SKAP1: variants seen among roughly 807,000 people sequenced by gnomAD.
SKAP1 encodes src kinase associated phosphoprotein 1.
SKAP1 carries 44 observed loss-of-function variants against 58.5 expected under a neutral mutation model. That is an observed-to-expected ratio of 0.75 (90% CI 0.59 to 0.97). SKAP1 has a LOEUF of 0.97. Ranked by LOEUF, SKAP1 falls within the 50% of genes least tolerant of loss-of-function variation. The pLI, the probability that SKAP1 is intolerant of heterozygous loss-of-function variation, is 0.00. For synonymous variants in SKAP1, 127 were observed against 149.7 expected (o/e 0.85, Z 1.11); for missense variants, 390 against 435.2 (o/e 0.90, Z 0.92).
chr17:48,387,094 C>A (rs1222261143), intron 2 of SKAP1, among the ~76,000 whole-genome samples: 1 of 152,148 alleles, frequency 6.6e-6, no homozygotes. Flanking sequence ...ACTGCACACT[C>A]AAAAATGATT....
intron 1 of SKAP1, among the ~76,000 whole-genome samples, chr17:48,417,175 C>T (rs1027379749): frequency 3.3e-5 from 5 of 152,102 alleles, no homozygotes; most frequent in Non-Finnish European, 5.9e-5. Context: ...ATAGAAAAGT[C>T]GTGGGCATGT....
intron 4 of SKAP1, among the ~76,000 whole-genome samples, chr17:48,291,236 T>C (rs1214241165): frequency 6.6e-6 from 1 of 152,150 alleles, no homozygotes; most frequent in African/African-American, 2.4e-5. Flanking sequence ...ACTTTGAAAA[T>C]AGTAATTACT....
At chr17:48,395,381 A>G (rs548499164) in intron 2 of SKAP1, among the ~76,000 whole-genome samples, 35 of 152,308 alleles carry the variant, frequency 2.3e-4, no homozygotes, top group African/African-American at 8.2e-4. Flanking sequence ...GATTTATACC[A>G]ACAGAATCAC....
chr17:48,228,231 G>A (rs2065090607), intron 4 of SKAP1, among the ~76,000 whole-genome samples: 1 of 152,006 alleles, frequency 6.6e-6, no homozygotes. Context: ...GAATGAGCAT[G>A]AGAAATCTTT....
intron 4 of SKAP1, among the ~76,000 whole-genome samples, chr17:48,203,189 C>T (rs768230648): frequency 6.6e-6 from 1 of 152,224 alleles, no homozygotes; most frequent in Non-Finnish European, 1.5e-5. Context: ...AAACACTCGT[C>T]CTTTCCTGTC....
At chr17:48,235,631 A>G (rs992280251) in intron 4 of SKAP1, among the ~76,000 whole-genome samples, 1 of 152,314 alleles carries the variant, frequency 6.6e-6, no homozygotes, top group South Asian at 2.1e-4. Context: ...CAAGCATGAG[A>G]GAGGTTTAAT....
intron 4 of SKAP1, among the ~76,000 whole-genome samples, chr17:48,251,622 T>C (rs2065365078): frequency 6.6e-6 from 1 of 152,190 alleles, no homozygotes; most frequent in African/African-American, 2.4e-5. Flanking sequence ...TTTAAAACAT[T>C]TGGTTGGGAT....
chr17:48,291,686 A>G (rs1192527130), intron 4 of SKAP1, among the ~76,000 whole-genome samples: 5 of 152,226 alleles, frequency 3.3e-5, no homozygotes, highest in Admixed American at 3.3e-4. Flanking sequence ...TCATATTAAT[A>G]TACAATGATT....
intron 4 of SKAP1, among the ~76,000 whole-genome samples, chr17:48,227,917 T>G (rs2065086838): frequency 6.6e-6 from 1 of 152,214 alleles, no homozygotes; most frequent in Non-Finnish European, 1.5e-5. Flanking sequence ...GAACTGTGTC[T>G]GGAACACAAT....
intron 4 of SKAP1, among the ~76,000 whole-genome samples, chr17:48,251,751 G>C (rs187015184): frequency 1.3e-5 from 2 of 152,260 alleles, no homozygotes; most frequent in African/African-American, 4.8e-5. Context: ...GAAATTTCAT[G>C]TATCACCTCC....
At chr17:48,407,786 GA>G (rs2067607020) in intron 1 of SKAP1, among the ~76,000 whole-genome samples, 2 of 151,644 alleles carry the variant, frequency 1.3e-5, no homozygotes, top group South Asian at 4.2e-4. Context: ...CCCAGGAGAT[GA>G]AGGCTTCAGT....
At chr17:48,162,069 A>G (rs2064077183) in intron 11 of SKAP1, among the ~76,000 whole-genome samples, 1 of 152,044 alleles carries the variant, frequency 6.6e-6, no homozygotes, top group African/African-American at 2.4e-5. Context: ...GGGTTCAAGC[A>G]ATTCTCATGC....
intron 4 of SKAP1, among the ~76,000 whole-genome samples, chr17:48,208,646 G>T (rs990802960): frequency 7.2e-5 from 11 of 152,158 alleles, no homozygotes; most frequent in African/African-American, 2.7e-4. Flanking sequence ...TTAGCCCATT[G>T]TCCTGTTTAT....
chr17:48,231,875 A>G (rs2065129738), intron 4 of SKAP1: 1 of 152,072 alleles, frequency 6.6e-6, no homozygotes, highest in Admixed American at 6.6e-5. Context: ...TTTTCTCTAT[A>G]CTCTCCTATT....
intron 4 of SKAP1, among the ~76,000 whole-genome samples, chr17:48,245,365 T>C (rs2065284683): frequency 6.6e-6 from 1 of 152,212 alleles, no homozygotes; most frequent in African/African-American, 2.4e-5. Flanking sequence ...TCTTTTAAAA[T>C]TACGATAGTG....
chr17:48,398,483 T>G (rs756205697), intron 1 of SKAP1, among the ~76,000 whole-genome samples: 6 of 152,092 alleles, frequency 3.9e-5, no homozygotes, highest in Non-Finnish European at 7.4e-5. Context: ...ATAATAGAAA[T>G]AAAGTGCATA....
At chr17:48,261,522 CTG>C (rs1404496028) in intron 4 of SKAP1, among the ~76,000 whole-genome samples, 1 of 152,144 alleles carries the variant, frequency 6.6e-6, no homozygotes, top group Non-Finnish European at 1.5e-5. Flanking sequence ...TACTCACAGA[CTG>C]TGTGATGGGC....
chr17:48,404,382 G>A (rs974881645), intron 1 of SKAP1, among the ~76,000 whole-genome samples: 1 of 152,136 alleles, frequency 6.6e-6, no homozygotes, highest in Non-Finnish European at 1.5e-5. Flanking sequence ...AACCCAGGAG[G>A]TGGAGGTTGC....
intron 4 of SKAP1, among the ~76,000 whole-genome samples, chr17:48,272,876 T>C (rs1363460895): frequency 6.6e-6 from 1 of 152,240 alleles, no homozygotes; most frequent in African/African-American, 2.4e-5. Flanking sequence ...CTTATTTTCA[T>C]AAATTTCAAT....
Sources: gnomAD v4.1 joint callset for allele counts (sites outside exome capture counted in the v4.1 genomes callset) on GRCh38, gnomAD v4.1.1 for gene constraint, MANE v1.5 for transcripts, NCBI Gene and HGNC (gene_info 2026-07-23, HGNC 2026-07-21) for gene names.